The following TFCP2 variants were observed in gnomAD, a reference collection of about 807,000 sequenced individuals.
The protein encoded by TFCP2 is transcription factor CP2, also known as alpha-globin transcription factor CP2.
A neutral mutation model predicts 73.4 loss-of-function variants in TFCP2; 33 were observed. The observed-to-expected ratio is 0.45, with a 90% CI of 0.34 to 0.60. TFCP2 has a LOEUF of 0.60. Ranked by LOEUF, TFCP2 falls within the 20% of genes least tolerant of loss-of-function variation. TFCP2 has a pLI of 0.01. For synonymous variants in TFCP2, 193 were observed against 211.6 expected (o/e 0.91, Z 0.76); for missense variants, 352 against 604.0 (o/e 0.58, Z 4.37).
intron 1 of TFCP2, among the ~76,000 whole-genome samples, chr12:51,132,217 C>T (rs746684123): frequency 2.0e-5 from 3 of 152,146 alleles, no homozygotes; most frequent in African/African-American, 4.8e-5. Flanking sequence ...TCTCCAAAGA[C>T]GGTCTCAGAT....
intron 10 of TFCP2, among the ~76,000 whole-genome samples, chr12:51,103,229 G>A (rs556992601): frequency 2.0e-5 from 3 of 152,076 alleles, no homozygotes; most frequent in Non-Finnish European, 4.4e-5. Context: ...GGTGCAGTGA[G>A]CCGAGATCAT....
intron 1 of TFCP2, among the ~76,000 whole-genome samples, chr12:51,163,645 G>A (rs1941695065): frequency 6.6e-6 from 1 of 151,682 alleles, no homozygotes; most frequent in South Asian, 2.1e-4. Flanking sequence ...AAGAAGGCAG[G>A]GTATGGTGGC....
At chr12:51,169,411 G>A (rs1052122421) in intron 1 of TFCP2, among the ~76,000 whole-genome samples, 1 of 151,870 alleles carries the variant, frequency 6.6e-6, no homozygotes, top group African/African-American at 2.4e-5. Context: ...TGAGGCAGGA[G>A]AATCGCTTGA....
intron 1 of TFCP2, among the ~76,000 whole-genome samples, chr12:51,138,827 G>A (rs1279838157): frequency 4.6e-5 from 7 of 151,882 alleles, no homozygotes; most frequent in Non-Finnish European, 1.0e-4. Context: ...CACTAGAGAC[G>A]GGGTTTCTCC....
At chr12:51,099,371 G>A (rs922382135) in intron 12 of TFCP2, among the ~76,000 whole-genome samples, 6 of 151,760 alleles carry the variant, frequency 4.0e-5, no homozygotes, top group African/African-American at 1.2e-4. Flanking sequence ...CTAGCTACTC[G>A]GTAGGCTGAG....
At chr12:51,150,404 C>T (rs998265265) in intron 1 of TFCP2, among the ~76,000 whole-genome samples, 14 of 150,732 alleles carry the variant, frequency 9.3e-5, no homozygotes, top group African/African-American at 2.7e-4. Flanking sequence ...GGCGACAGAG[C>T]GAGCCTCCAT....
At chr12:51,098,746 C>A in intron 13 of TFCP2, 30 bp downstream of exon 13, 1 of 1,612,838 alleles carries the variant, frequency 6.2e-7, no homozygotes, top group Non-Finnish European at 8.5e-7. Flanking sequence ...TAATCATCAT[C>A]TGGTAATTCA....
At chr12:51,095,872 A>T in intron 14 of TFCP2, 117 bp downstream of exon 14, 1 of 646,290 alleles carries the variant, frequency 1.5e-6, no homozygotes, top group Non-Finnish European at 2.5e-6. Context: ...TAATATTGTC[A>T]CTTTCTTTAC....
chr12:51,124,974 G>C (rs1401457658), intron 1 of TFCP2: 3 of 739,254 alleles, frequency 4.1e-6, no homozygotes, highest in Non-Finnish European at 7.5e-6. Flanking sequence ...CACCTGCCTG[G>C]AGACCAGCTC....
At chr12:51,156,732 A>G (rs574999768) in intron 1 of TFCP2, 6 of 152,350 alleles carry the variant, frequency 3.9e-5, no homozygotes, top group Non-Finnish European at 5.9e-5. Context: ...CAATCTCCCT[A>G]TGAGTTATGA....
At chr12:51,111,226 C>T (rs1286211632) in intron 4 of TFCP2, among the ~76,000 whole-genome samples, 3 of 151,970 alleles carry the variant, frequency 2.0e-5, no homozygotes, top group African/African-American at 7.2e-5. Flanking sequence ...TCACTGCAAC[C>T]TCTGCCTCCT....
At chr12:51,096,609 T>G (rs1470033520) in intron 13 of TFCP2, among the ~76,000 whole-genome samples, 1 of 152,202 alleles carries the variant, frequency 6.6e-6, no homozygotes, top group Non-Finnish European at 1.5e-5. Flanking sequence ...CTCTTTCCTT[T>G]CACCAGAATT....
intron 1 of TFCP2, among the ~76,000 whole-genome samples, chr12:51,161,760 C>CAAAAAAAAA (rs60679909): frequency 1.0e-4 from 8 of 76,220 alleles, no homozygotes; most frequent in African/African-American, 2.0e-4. Context: ...GACTCCATAT[C>CAAAAAAAAA]AAAAAAAAAA....
intron 1 of TFCP2, among the ~76,000 whole-genome samples, chr12:51,152,039 T>G (rs1941439346): frequency 6.6e-6 from 1 of 152,188 alleles, no homozygotes; most frequent in Non-Finnish European, 1.5e-5. Context: ...GTGAAAAGTT[T>G]GAGAACAGGA....
In TFCP2 at chr12:51,130,514, A is replaced by G. The variant is rs184183051; in HGVS notation, c.123-11742T>C. On this transcript the variant is annotated intron_variant, in intron 1 of 14. Transcript: ENST00000257915. ...GCATTGGACTGTGTTTAGGGATCCT[A>G]TTTATTATTAGAAAATGCTAACTGG... 1.7e-3 allele frequency among the ~76,000 whole-genome samples: 252 copies of G among 152,102 alleles called. 1 individual carries two copies. The highest frequency in any genetic ancestry group is 3.0e-3 in the Non-Finnish European group (204 of 67,994).
intron 14 of TFCP2, 88 bp downstream of exon 14, chr12:51,095,901 C>T: frequency 1.0e-6 from 1 of 964,420 alleles, no homozygotes; most frequent in Non-Finnish European, 1.5e-6. Flanking sequence ...GGTTACTTTT[C>T]CTATCTCTCC....
intron 5 of TFCP2, among the ~76,000 whole-genome samples, chr12:51,109,904 A>T (rs1290597992): frequency 6.6e-6 from 1 of 152,026 alleles, no homozygotes; most frequent in Non-Finnish European, 1.5e-5. Flanking sequence ...TTTTTAGTAG[A>T]GACAGGTTTT....
rs771792396 is a variant in TFCP2, at chr12:51,099,004, TGAAGGACTC to T, written c.1277-95_1277-87del. 7 of 1,433,306 alleles carry T rather than the reference TGAAGGACTC, an allele frequency of 4.9e-6. No homozygotes were observed. The Admixed American group carries it at 8.1e-5, about 17-fold the overall frequency. 88.8% of individuals were successfully genotyped at this position (1,433,306 alleles called of 1,614,324 possible). ...TGATCACTAGGAATGCCCACTTTTCTGAAGGACTCAGAAATCACACTGCCTAAGTTCAAA... is the reference window on the plus strand; with the variant it reads ...TGATCACTAGGAATGCCCACTTTTCTAGAAATCACACTGCCTAAGTTCAAA... On this transcript the variant is annotated intron_variant, in intron 12 of 14. Coordinates refer to ENST00000257915, the MANE Select transcript of TFCP2 (RefSeq NM_005653.5).
intron 11 of TFCP2, among the ~76,000 whole-genome samples, chr12:51,101,025 C>T (rs902217647): frequency 3.3e-5 from 5 of 152,140 alleles, no homozygotes; most frequent in East Asian, 1.9e-4. Flanking sequence ...CCACATTTGC[C>T]GGGTGCGGTG....
Sources: allele counts gnomAD v4.1 joint callset (sites outside exome capture counted in the v4.1 genomes callset), GRCh38; gene constraint gnomAD v4.1.1; transcripts MANE v1.5; gene names NCBI Gene and HGNC (gene_info 2026-07-23, HGNC 2026-07-21).